The following EML6 variants were observed in gnomAD, a reference collection of about 807,000 sequenced individuals.
EML6 encodes echinoderm microtubule-associated protein-like 6.
In EML6, 154 loss-of-function variants were observed where a neutral mutation model predicts 240.1. The observed-to-expected ratio is 0.64, with a 90% CI of 0.56 to 0.73. The LOEUF (loss-of-function observed/expected upper bound fraction) is 0.73. Among genes scored for constraint, EML6 ranks in the 30% least tolerant of loss-of-function variants. The pLI is 0.00. For missense variants in EML6, 2,964 were observed against 2,474.6 expected, an observed-to-expected ratio of 1.20 and a Z score of -4.20; for synonymous variants, 1,148 against 899.0, an observed-to-expected ratio of 1.28 and a Z score of -4.95.
chr2:54,801,548 GTCTT>G (rs1292112351), intron 2 of EML6, among the ~76,000 whole-genome samples: 1 of 152,158 alleles, frequency 6.6e-6, no homozygotes, highest in Non-Finnish European at 1.5e-5. Context: ...GGGCGTGCTT[GTCTT>G]TCTTTGTGAA....
At chr2:54,803,466 C>T (rs969947150) in intron 2 of EML6, among the ~76,000 whole-genome samples, 10 of 152,148 alleles carry the variant, frequency 6.6e-5, no homozygotes, top group African/African-American at 2.4e-4. Flanking sequence ...CCACCCTAGA[C>T]CCTCCTCTAG....
Position 54,970,017 on chromosome 2 carries a change from G to A in EML6, c.5853-54G>A. ...TTGGCAAGATTGTTTTTTGCCACTT[G>A]ACACAAGTATGATGTCCAGCTATGC... On this transcript the variant is annotated intron_variant, in intron 41 of 41. Transcript: ENST00000356458. 3 of 1,546,364 alleles carry A rather than the reference G, an allele frequency of 1.9e-6. No individual in the cohort carries two copies. In the South Asian group the frequency reaches 3.6e-5, roughly 18 times the overall value.
chr2:54,816,436 T>G (rs13006104), intron 3 of EML6, among the ~76,000 whole-genome samples: 31,836 of 152,128 alleles, frequency 0.21, 3,663 homozygotes, highest in Middle Eastern at 0.35. Flanking sequence ...AATCTCACAT[T>G]AAGATTTTAC....
At position 54,827,743 on chromosome 2, in the gene EML6, G is replaced by A. The variant is rs779755497; in HGVS notation, c.703G>A (p.Ala235Thr). The A allele has an allele frequency of 9.7e-6, 15 of 1,550,864 alleles. No homozygotes were observed. Among genetic ancestry groups the A allele is most frequent in the South Asian group, 3.6e-5 (3 of 84,026 alleles). ...GLNLVRTIQG[A>T]HSAGIFSMYA... ...CAATTTAGTCCGCACCATTCAAGGA[G>A]CACATAGTGTAAGTATTACCTTGTG... Residue 235 changes from alanine (A) to threonine (T), a missense_variant, in exon 6 of 42, where the codon GCA becomes ACA. Ala to Thr is a moderately conservative substitution (Grantham distance 58, BLOSUM62 0). Transcript: ENST00000356458.
At chr2:54,927,982 T>C (rs959359542) in intron 26 of EML6, among the ~76,000 whole-genome samples, 6 of 152,214 alleles carry the variant, frequency 3.9e-5, no homozygotes, top group East Asian at 1.9e-4. Flanking sequence ...GTCAGGAGTT[T>C]ACACTAGAGA....
intron 35 of EML6, among the ~76,000 whole-genome samples, chr2:54,962,107 GGGTCTCAC>G (rs1676547566): frequency 6.9e-6 from 1 of 145,474 alleles, no homozygotes; most frequent in African/African-American, 2.6e-5. Context: ...TTTAAAGACA[GGGTCTCAC>G]TGTGTCACCC....
intron 17 of EML6, chr2:54,880,519 G>A (rs1325264126): frequency 6.6e-6 from 1 of 152,190 alleles, no homozygotes; most frequent in Non-Finnish European, 1.5e-5. Context: ...TTTATAAATT[G>A]CTAGAGACCT....
Position 54,725,115 on chromosome 2 carries a change from G to A in EML6, c.54G>A (p.Gly18=). 6.5e-7 allele frequency: 1 copy of A among 1,540,762 alleles called. No individual in the cohort carries two copies. The highest frequency in any genetic ancestry group is 8.8e-7 in the Non-Finnish European group (1 of 1,142,266). ...RCQLRLEWVY[G]YRGHQCRNNL... ...AGCTCCGGCTGGAGTGGGTGTACGG[G>A]TACCGGGGTCACCAGTGCCGCAACA... is the stretch of plus-strand genomic sequence containing the variant. Residue 18 remains glycine, a synonymous_variant, in exon 2 of 42, where the codon GGG becomes GGA. Coordinates refer to ENST00000356458, the MANE Select transcript of EML6 (RefSeq NM_001039753.4). The surrounding 1 kb of genome is among the most constrained non-coding windows in gnomAD (Gnocchi z 4.3).
At chr2:54,917,998 C>T (rs1376239932) in intron 26 of EML6, among the ~76,000 whole-genome samples, 2 of 152,178 alleles carry the variant, frequency 1.3e-5, no homozygotes, top group Non-Finnish European at 2.9e-5. Flanking sequence ...ACTAAAATGG[C>T]ATTGGCCCTT....
At chr2:54,942,487 T>C (rs76851177) in intron 28 of EML6, among the ~76,000 whole-genome samples, 1 of 152,064 alleles carries the variant, frequency 6.6e-6, no homozygotes, top group Non-Finnish European at 1.5e-5. Flanking sequence ...CTCCTGTCAA[T>C]TAGTGTGTGG....
At chr2:54,961,432 C>G (rs1676509651) in intron 35 of EML6, among the ~76,000 whole-genome samples, 1 of 151,494 alleles carries the variant, frequency 6.6e-6, no homozygotes, top group Admixed American at 6.6e-5. Context: ...GGTGATCCAC[C>G]CACCACGGCC....
intron 13 of EML6, among the ~76,000 whole-genome samples, chr2:54,865,161 G>T (rs1377314090): frequency 1.3e-5 from 2 of 152,030 alleles, no homozygotes; most frequent in Non-Finnish European, 2.9e-5. Flanking sequence ...TCTTTAATTG[G>T]GAAGTGTTTG....
At chr2:54,934,718 G>C (rs1472015765) in intron 28 of EML6, among the ~76,000 whole-genome samples, 1 of 151,958 alleles carries the variant, frequency 6.6e-6, no homozygotes, top group Admixed American at 6.6e-5. Context: ...ACCATACCCA[G>C]CTTATCTTTA....
At chr2:54,762,374 C>G (rs2103763521) in intron 2 of EML6, among the ~76,000 whole-genome samples, 1 of 152,260 alleles carries the variant, frequency 6.6e-6, no homozygotes, top group South Asian at 2.1e-4. Flanking sequence ...GATGTTCAAT[C>G]TGATCATGGT....
chr2:54,859,184 T>TA (rs1211977611), intron 11 of EML6, among the ~76,000 whole-genome samples: 2 of 152,362 alleles, frequency 1.3e-5, no homozygotes, highest in East Asian at 3.9e-4. Flanking sequence ...GTTTCCCTGT[T>TA]AAACAGGATT....
intron 2 of EML6, among the ~76,000 whole-genome samples, chr2:54,733,374 C>T (rs1281621138): frequency 6.6e-6 from 1 of 152,146 alleles, no homozygotes; most frequent in Non-Finnish European, 1.5e-5. Context: ...GACAAGATGT[C>T]TTCTAAGTAA....
At chr2:54,902,654 C>T (rs952781120) in intron 22 of EML6, among the ~76,000 whole-genome samples, 11 of 152,228 alleles carry the variant, frequency 7.2e-5, no homozygotes, top group African/African-American at 2.7e-4. Context: ...CTGCCTTGGC[C>T]TCCCAAGGTG....
At chr2:54,826,060 C>T (rs1467727227) in intron 5 of EML6, among the ~76,000 whole-genome samples, 1 of 152,190 alleles carries the variant, frequency 6.6e-6, no homozygotes, top group Non-Finnish European at 1.5e-5. Flanking sequence ...AATATGCTAC[C>T]TTAAAATTAT....
rs181118413 is a variant in EML6 at position 54,921,629 on chromosome 2, C to G, written c.3675+4694C>G. ...AAAAACCTGAATAGCCAAAGCAATC[C>G]CAAGAAAGAATAAAGCTGGAAGTGT... On this transcript the variant is annotated intron_variant, in intron 26 of 41. Coordinates refer to ENST00000356458, the MANE Select transcript of EML6 (RefSeq NM_001039753.4). Among the ~76,000 whole-genome samples the G allele has an allele frequency of 2.4e-3, 368 of 151,886 alleles. 1 individual carries two copies. The highest frequency in any genetic ancestry group is 6.4e-3 in the South Asian group (31 of 4,814).
Sources: allele counts gnomAD v4.1 joint callset (sites outside exome capture counted in the v4.1 genomes callset), GRCh38; gene constraint gnomAD v4.1.1; non-coding constraint Gnocchi (gnomAD v3.1); transcripts MANE v1.5; gene names NCBI Gene and HGNC (gene_info 2026-07-23, HGNC 2026-07-21).